The following OSBPL1A variants were observed in gnomAD, a reference collection of about 807,000 sequenced individuals.
The protein encoded by OSBPL1A is oxysterol-binding protein-related protein 1.
A neutral mutation model predicts 137.1 loss-of-function variants in OSBPL1A; 80 were observed. The observed-to-expected ratio is 0.58, with a 90% CI of 0.49 to 0.70. The LOEUF is 0.70. Ranked by LOEUF, OSBPL1A falls within the 30% of genes least tolerant of loss-of-function variation. The pLI is 0.00. For synonymous variants in OSBPL1A, 365 were observed against 389.7 expected, an observed-to-expected ratio of 0.94 and a Z score of 0.75; for missense variants, 970 against 1,129.4, an observed-to-expected ratio of 0.86 and a Z score of 2.02.
intron 26 of OSBPL1A, among the ~76,000 whole-genome samples, chr18:24,165,599 C>T (rs535176755): frequency 1.4e-4 from 22 of 152,324 alleles, no homozygotes; most frequent in African/African-American, 5.3e-4. Flanking sequence ...CACTGTGGCA[C>T]TATAACATGT....
chr18:24,218,760 T>C (rs1370005506), intron 17 of OSBPL1A, among the ~76,000 whole-genome samples: 2 of 152,070 alleles, frequency 1.3e-5, no homozygotes, highest in Non-Finnish European at 1.5e-5. Context: ...ATGGTGACTA[T>C]AGTTACTAAC....
chr18:24,328,619 G>A (rs1220467928), intron 7 of OSBPL1A, among the ~76,000 whole-genome samples: 1 of 152,148 alleles, frequency 6.6e-6, no homozygotes, highest in African/African-American at 2.4e-5. Context: ...TTCTGGCAGA[G>A]AGAATAGTAT....
intron 17 of OSBPL1A, among the ~76,000 whole-genome samples, chr18:24,199,373 G>GC (rs1567939804): frequency 6.6e-6 from 1 of 151,958 alleles, no homozygotes; most frequent in African/African-American, 2.4e-5. Context: ...TAACATCCTT[G>GC]CCCCCAGCTC....
chr18:24,340,762 T>C (rs948432474), intron 5 of OSBPL1A, among the ~76,000 whole-genome samples: 5 of 151,906 alleles, frequency 3.3e-5, no homozygotes, highest in Non-Finnish European at 7.4e-5. Context: ...GCCAAGATCA[T>C]GCCACTGCAC....
chr18:24,182,717 GA>G (rs1216703971), intron 18 of OSBPL1A, among the ~76,000 whole-genome samples: 1 of 151,994 alleles, frequency 6.6e-6, no homozygotes, highest in Non-Finnish European at 1.5e-5. Context: ...GGAGATGAGG[GA>G]AAACAGGAAT....
rs1172514692 is a variant in OSBPL1A, at chr18:24,351,347, C to CAA, written c.283-9691_283-9690dup. ...CTGGACAACAGAGAAGACTCTGTCT[C>CAA]AAAAAAAAAAAAAAAAAAAAAAGAC... On this transcript the variant is annotated intron_variant, in intron 4 of 27. Coordinates refer to ENST00000319481, the MANE Select transcript of OSBPL1A (RefSeq NM_080597.4). Among the ~76,000 whole-genome samples, 266 of 34,930 alleles carry CAA rather than the reference C, an allele frequency of 7.6e-3. 5 individuals are homozygous for CAA. The highest frequency in any genetic ancestry group is 0.016 in the African/African-American group (158 of 9,734). The allele number at this position is 34,930 out of a possible 152,430, so 22.9% of individuals were successfully genotyped here. A position where few individuals can be genotyped will look rare whatever the true frequency, so the allele number is the denominator to read the frequency against.
At chr18:24,266,518 G>T (rs2089578387) in intron 15 of OSBPL1A, among the ~76,000 whole-genome samples, 1 of 152,062 alleles carries the variant, frequency 6.6e-6, no homozygotes, top group African/African-American at 2.4e-5. Context: ...TACCACTCAA[G>T]AATAGAAAAG....
intron 2 of OSBPL1A, among the ~76,000 whole-genome samples, chr18:24,369,670 G>C (rs1044820096): frequency 6.6e-6 from 1 of 152,168 alleles, no homozygotes; most frequent in Non-Finnish European, 1.5e-5. Context: ...GCAGCTGCCA[G>C]CAGTGTCCCT....
chr18:24,170,824 G>A (rs2086261728), intron 23 of OSBPL1A, among the ~76,000 whole-genome samples: 1 of 152,010 alleles, frequency 6.6e-6, no homozygotes, highest in Non-Finnish European at 1.5e-5. Flanking sequence ...TTAAAAAGAA[G>A]TTTTTTTGTA....
chr18:24,165,751 G>GA (rs1458152210), intron 26 of OSBPL1A, among the ~76,000 whole-genome samples: 2 of 152,222 alleles, frequency 1.3e-5, no homozygotes, highest in East Asian at 3.9e-4. Flanking sequence ...TCCTTGGGGG[G>GA]AAAAATGCCC....
chr18:24,234,322 A>G (rs1243884308), intron 16 of OSBPL1A, among the ~76,000 whole-genome samples: 1 of 152,156 alleles, frequency 6.6e-6, no homozygotes, highest in Non-Finnish European at 1.5e-5. Context: ...TAACCATTTC[A>G]TTCCTTAAAC....
intron 17 of OSBPL1A, among the ~76,000 whole-genome samples, chr18:24,207,692 T>C (rs2087414865): frequency 6.6e-6 from 1 of 152,206 alleles, no homozygotes; most frequent in East Asian, 1.9e-4. Context: ...TTTGCACTTG[T>C]GTGTGTATAA....
At chr18:24,226,341 T>C (rs1484798683) in intron 16 of OSBPL1A, among the ~76,000 whole-genome samples, 1 of 152,228 alleles carries the variant, frequency 6.6e-6, no homozygotes, top group Non-Finnish European at 1.5e-5. Context: ...TCTGACTCCT[T>C]GTTTAATGTT....
At chr18:24,273,379 A>T (rs760525139) in intron 15 of OSBPL1A, among the ~76,000 whole-genome samples, 4 of 152,242 alleles carry the variant, frequency 2.6e-5, no homozygotes, top group African/African-American at 9.6e-5. Context: ...AGTGCTAGGT[A>T]GCAAAACAAT....
chr18:24,349,316 A>G (rs887774727), intron 4 of OSBPL1A, among the ~76,000 whole-genome samples: 3 of 152,216 alleles, frequency 2.0e-5, no homozygotes, highest in Non-Finnish European at 1.5e-5. Context: ...CAAGAAAAAA[A>G]AAGTTTGAAA....
At chr18:24,245,731 T>C (rs1441107858) in intron 15 of OSBPL1A, among the ~76,000 whole-genome samples, 1 of 152,224 alleles carries the variant, frequency 6.6e-6, no homozygotes, top group African/African-American at 2.4e-5. Flanking sequence ...TAGTATACTC[T>C]TGCTTTGTTT....
chr18:24,162,170 C>T lies in OSBPL1A; in HGVS notation c.*1009G>A, dbSNP rs972254734. The T allele has an allele frequency of 6.6e-6, 1 of 152,196 alleles. No homozygotes were observed. The highest frequency in any genetic ancestry group is 6.5e-5 in the Admixed American group (1 of 15,280). 9.4% of individuals were successfully genotyped at this position (152,196 alleles called of 1,614,324 possible). ...CTACCTAGGCCCCTGGGAGCAGTAT[C>T]TCAGTCTGGGGTTTGGGTGGATAAA... is the stretch of plus-strand genomic sequence containing the variant. On this transcript the variant is annotated 3_prime_UTR_variant, in exon 28 of 28. Coordinates refer to ENST00000319481, the MANE Select transcript of OSBPL1A (RefSeq NM_080597.4).
intron 23 of OSBPL1A, 102 bp downstream of exon 23, chr18:24,171,307 T>TA: frequency 1.2e-6 from 1 of 850,698 alleles, no homozygotes. Context: ...GCTGGGATTA[T>TA]AGGTGTGAGC....
At chr18:24,298,169 C>CATT (rs1203681391) in intron 14 of OSBPL1A, among the ~76,000 whole-genome samples, 2 of 152,116 alleles carry the variant, frequency 1.3e-5, no homozygotes. Context: ...ATCATGGCAA[C>CATT]ATTAGGAAGT....
Sources: gnomAD v4.1 joint callset for allele counts (sites outside exome capture counted in the v4.1 genomes callset) on GRCh38, gnomAD v4.1.1 for gene constraint, MANE v1.5 for transcripts, NCBI Gene and HGNC (gene_info 2026-07-23, HGNC 2026-07-21) for gene names.